Variants in NEGR1 observed in about 807,000 individuals in gnomAD.
NEGR1 encodes neuronal growth regulator 1, also known as IgLON family member 4.
In NEGR1, 10 loss-of-function variants were observed where a neutral mutation model predicts 40.9. The observed-to-expected ratio is 0.24, with a 90% CI of 0.15 to 0.42. The LOEUF is 0.42. Ranked by LOEUF, NEGR1 falls within the 10% of genes least tolerant of loss-of-function variation. The pLI is 1.00. For synonymous variants in NEGR1, 185 were observed against 166.8 expected (o/e 1.11, Z -0.84); for missense variants, 352 against 438.9 (o/e 0.80, Z 1.77).
intron 3 of NEGR1, among the ~76,000 whole-genome samples, chr1:71,708,663 A>T (rs1653981843): frequency 6.6e-6 from 1 of 152,070 alleles, no homozygotes; most frequent in African/African-American, 2.4e-5. Context: ...ATAGGTAAAC[A>T]TGTATCATGG....
chr1:71,864,981 TAC>T (rs1331495017), intron 2 of NEGR1, among the ~76,000 whole-genome samples: 1 of 152,072 alleles, frequency 6.6e-6, no homozygotes, highest in Non-Finnish European at 1.5e-5. Context: ...AGAAGAGAGG[TAC>T]ACACTAAGAA....
At chr1:71,969,610 TG>T (rs1646239677) in intron 1 of NEGR1, among the ~76,000 whole-genome samples, 1 of 152,216 alleles carries the variant, frequency 6.6e-6, no homozygotes, top group African/African-American at 2.4e-5. Context: ...CACTTACCAT[TG>T]GGGGCAGGTG....
intron 4 of NEGR1, among the ~76,000 whole-genome samples, chr1:71,685,724 C>A (rs1189889776): frequency 2.0e-5 from 3 of 152,132 alleles, no homozygotes; most frequent in Non-Finnish European, 2.9e-5. Flanking sequence ...ATTTATTTTT[C>A]TCTCCATTCT....
intron 1 of NEGR1, among the ~76,000 whole-genome samples, chr1:72,200,779 T>C (rs909931648): frequency 6.6e-6 from 1 of 152,006 alleles, no homozygotes; most frequent in Admixed American, 6.6e-5. Flanking sequence ...TCCACTCCAA[T>C]GTAAGATTGA....
At chr1:72,232,641 A>T (rs1654405603) in intron 1 of NEGR1, among the ~76,000 whole-genome samples, 2 of 152,028 alleles carry the variant, frequency 1.3e-5, no homozygotes, top group Non-Finnish European at 2.9e-5. Context: ...TTTTAATTGT[A>T]TCATAGGGCC....
At chr1:72,224,305 T>A (rs1482325817) in intron 1 of NEGR1, among the ~76,000 whole-genome samples, 5 of 148,720 alleles carry the variant, frequency 3.4e-5, no homozygotes, top group African/African-American at 1.3e-4. Context: ...GCTGTCAGAT[T>A]CTTTGACTTT....
intron 2 of NEGR1, among the ~76,000 whole-genome samples, chr1:71,886,963 T>C (rs1367210824): frequency 6.6e-6 from 1 of 152,194 alleles, no homozygotes; most frequent in African/African-American, 2.4e-5. Flanking sequence ...CACTGCACTG[T>C]TGAAAATTCA....
chr1:71,743,550 T>C (rs1418176378), intron 3 of NEGR1, among the ~76,000 whole-genome samples: 1 of 152,200 alleles, frequency 6.6e-6, no homozygotes, highest in African/African-American at 2.4e-5. Flanking sequence ...GTATGGTATT[T>C]TTAAAAATAA....
intron 1 of NEGR1, among the ~76,000 whole-genome samples, chr1:72,192,326 C>G (rs1245115965): frequency 6.6e-6 from 1 of 151,564 alleles, no homozygotes; most frequent in African/African-American, 2.4e-5. Context: ...GTATTGAATC[C>G]CACTGGCTAT....
At chr1:72,249,827 A>G (rs1655025425) in intron 1 of NEGR1, among the ~76,000 whole-genome samples, 1 of 152,192 alleles carries the variant, frequency 6.6e-6, no homozygotes, top group African/African-American at 2.4e-5. Flanking sequence ...AGTTATTCTG[A>G]TATCTTTCTC....
In NEGR1 at chr1:72,143,930, T is replaced by TAAAAA. The variant is rs1553145054; in HGVS notation, c.176+138388_176+138389insTTTTT. Among the ~76,000 whole-genome samples the TAAAAA allele has an allele frequency of 1.1e-3, 153 of 140,500 alleles. 1 individual carries two copies. The highest frequency in any genetic ancestry group is 3.8e-3 in the African/African-American group (144 of 38,296). 92.2% of individuals were successfully genotyped at this position (140,500 alleles called of 152,430 possible). A position where few individuals can be genotyped will look rare whatever the true frequency, so the allele number is the denominator to read the frequency against. On this transcript the variant is annotated intron_variant, in intron 1 of 6. Transcript: ENST00000357731. ...GATATATATAATATATATATATATA[T>TAAAAA]ATATATATATTCATCCATTCAGTAT...
At chr1:72,002,459 T>C (rs946563163) in intron 1 of NEGR1, among the ~76,000 whole-genome samples, 1 of 152,128 alleles carries the variant, frequency 6.6e-6, no homozygotes. Flanking sequence ...ATGATAACTC[T>C]AATATCAACT....
Position 71,404,030 on chromosome 1 carries a change from G to A in NEGR1, c.*3416C>T, listed in dbSNP as rs981066314. 6.1e-6 allele frequency: 2 copies of A among 327,302 alleles called. No individual in the cohort carries two copies. Among genetic ancestry groups the A allele is most frequent in the African/African-American group, 4.2e-5 (2 of 47,210 alleles). The allele number at this position is 327,302 out of a possible 1,614,324, so 20.3% of individuals were successfully genotyped here. A position where few individuals can be genotyped will look rare whatever the true frequency, so the allele number is the denominator to read the frequency against. ...AAGATTAAATAGGTAACTTTTGGCT[G>A]TGTCACAAAGCTAAGCACAATGGAT... On this transcript the variant is annotated 3_prime_UTR_variant, in exon 7 of 7. Transcript: ENST00000357731.
intron 3 of NEGR1, among the ~76,000 whole-genome samples, chr1:71,712,990 T>G (rs1409362390): frequency 1.3e-5 from 2 of 152,220 alleles, no homozygotes; most frequent in Non-Finnish European, 2.9e-5. Flanking sequence ...GTGAGTCAGT[T>G]AAACATGTTT....
At chr1:72,212,202 G>A (rs542780025) in intron 1 of NEGR1, among the ~76,000 whole-genome samples, 1 of 151,942 alleles carries the variant, frequency 6.6e-6, no homozygotes, top group East Asian at 1.9e-4. Context: ...AAGATAAATT[G>A]TGTTAAACTT....
chr1:71,417,317 T>C (rs1646362866), intron 6 of NEGR1, among the ~76,000 whole-genome samples: 1 of 152,250 alleles, frequency 6.6e-6, no homozygotes, highest in African/African-American at 2.4e-5. Flanking sequence ...AATGGAAGTA[T>C]AGATACATTG....
intron 2 of NEGR1, among the ~76,000 whole-genome samples, chr1:71,845,734 T>TCTACCTACCTAC (rs533286064): frequency 3.9e-5 from 3 of 77,600 alleles, no homozygotes; most frequent in African/African-American, 1.2e-4. Context: ...TATCTATCTA[T>TCTACCTACCTAC]CTACCTACCT....
Position 71,525,652 on chromosome 1 carries a change from A to G in NEGR1, c.940+67165T>C, listed in dbSNP as rs190905657. Among the ~76,000 whole-genome samples, 365 of 151,760 alleles carry G rather than the reference A, an allele frequency of 2.4e-3. 1 individual carries two copies. The highest frequency in any genetic ancestry group is 6.8e-3 in the Middle Eastern group (2 of 294). ...GTTTCCTGTTCTAAAGAATCTTGCA[A>G]TCTAGAGTTGTAGCAGACACATACC... On this transcript the variant is annotated intron_variant, in intron 6 of 6. Transcript: ENST00000357731.
chr1:71,424,799 AC>A (rs1646419070), intron 6 of NEGR1, among the ~76,000 whole-genome samples: 2 of 152,270 alleles, frequency 1.3e-5, no homozygotes, highest in Admixed American at 6.5e-5. Context: ...TCCTTCCACC[AC>A]AAGGAACTGG....
Sources: allele counts gnomAD v4.1 joint callset (sites outside exome capture counted in the v4.1 genomes callset), GRCh38; gene constraint gnomAD v4.1.1; transcripts MANE v1.5; gene names NCBI Gene and HGNC (gene_info 2026-07-23, HGNC 2026-07-21).